Variants in CPS1 observed in about 807,000 individuals in gnomAD.
CPS1 encodes the protein carbamoyl-phosphate synthase 1, also known as carbamoyl-phosphate synthase [ammonia], mitochondrial.
Under a neutral mutation model 174.6 loss-of-function variants are expected in CPS1, and 109 were observed. The ratio of observed to expected loss-of-function variants is 0.62; its 90% confidence interval spans 0.53 to 0.73. The LOEUF is 0.73. Ranked by LOEUF, CPS1 falls within the 30% of genes least tolerant of loss-of-function variation. CPS1 has a pLI of 0.00. For missense variants in CPS1, 1,689 were observed against 1,821.9 expected (o/e 0.93, Z 1.33); for synonymous variants, 637 against 632.0 (o/e 1.01, Z -0.12).
chr2:210,512,736 TTA>T lies in CPS1; in HGVS notation c.3+35018_3+35019del, dbSNP rs71043996. ...GATACATACATATCCTCCAGTAGTT[TTA>T]TATATATATATATATATATATATAT... On this transcript the variant is annotated intron_variant, in intron 1 of 38. Coordinates refer to the CPS1 transcript ENST00000430249. Among the ~76,000 whole-genome samples, 241 of 46,616 alleles carry T rather than the reference TTA, an allele frequency of 5.2e-3. 2 individuals are homozygous for T. Among genetic ancestry groups the T allele is most frequent in the African/African-American group, 8.4e-3 (80 of 9,500 alleles). 30.6% of individuals were successfully genotyped at this position (46,616 alleles called of 152,430 possible).
rs200302038 is a variant in CPS1, at chr2:210,593,775, T to A, written c.1165-733T>A. ...AGATATTTATATTTTGTTCTTGTTTTAATATTATTAGGAAATATTGGTTCT... is the reference window on the plus strand; with the variant it reads ...AGATATTTATATTTTGTTCTTGTTTAAATATTATTAGGAAATATTGGTTCT... On this transcript the variant is annotated intron_variant, in intron 11 of 37. Transcript: ENST00000233072. The A allele has an allele frequency of 1.4e-4, 83 of 589,358 alleles. No individual in the cohort carries two copies. In the East Asian group the frequency reaches 0.011, roughly 81 times the overall value. The allele number at this position is 589,358 out of a possible 1,614,324, so 36.5% of individuals were successfully genotyped here. A position where few individuals can be genotyped will look rare whatever the true frequency, so the allele number is the denominator to read the frequency against.
rs550725056 is a variant in CPS1, at chr2:210,606,511, C to G, written c.1982-220C>G. On this transcript the variant is annotated intron_variant, in intron 17 of 37. Transcript: ENST00000233072. ...CGATTGAAGCCTTGATAGCTACTTACTAGATAGATGAACTTGGGAAAGGTT... is the reference window on the plus strand; with the variant it reads ...CGATTGAAGCCTTGATAGCTACTTAGTAGATAGATGAACTTGGGAAAGGTT... 9.9e-5 allele frequency among the ~76,000 whole-genome samples: 15 copies of G among 151,852 alleles called. 1 individual carries two copies. Among genetic ancestry groups the G allele is most frequent in the African/African-American group, 3.6e-4 (15 of 41,458 alleles).
At chr2:210,527,759 A>G (rs552995020) in intron 1 of CPS1, among the ~76,000 whole-genome samples, 1 of 152,024 alleles carries the variant, frequency 6.6e-6, no homozygotes, top group African/African-American at 2.4e-5. Context: ...TGAACATGAT[A>G]CTTCATTACC....
chr2:210,676,719 A>C (rs1411333369), intron 36 of CPS1, among the ~76,000 whole-genome samples: 1 of 152,166 alleles, frequency 6.6e-6, no homozygotes, highest in Non-Finnish European at 1.5e-5. Context: ...CTTTTTAAAA[A>C]ATAAGTATCT....
intron 1 of CPS1, among the ~76,000 whole-genome samples, chr2:210,550,816 A>T (rs1696710443): frequency 6.6e-6 from 1 of 151,770 alleles, no homozygotes; most frequent in Admixed American, 6.6e-5. Flanking sequence ...CAAGAATAAT[A>T]ATTATTATTT....
intron 1 of CPS1, among the ~76,000 whole-genome samples, chr2:210,570,216 A>G (rs1439867482): frequency 6.6e-6 from 1 of 151,844 alleles, no homozygotes; most frequent in Non-Finnish European, 1.5e-5. Context: ...GGGAAAGAGG[A>G]TTGGAAGATC....
intron 21 of CPS1, chr2:210,631,301 A>AT (rs1351581731): frequency 6.6e-6 from 1 of 152,160 alleles, no homozygotes; most frequent in African/African-American, 2.4e-5. Context: ...AAATTTCCTC[A>AT]TTAAGGGGAA....
At chr2:210,532,257 G>A (rs755313984) in intron 1 of CPS1, among the ~76,000 whole-genome samples, 9 of 152,100 alleles carry the variant, frequency 5.9e-5, no homozygotes, top group East Asian at 3.9e-4. Flanking sequence ...GGTCTGTATC[G>A]TTGCCAAATT....
In CPS1 at chr2:210,622,555, T is replaced by G. The variant is rs115092205; in HGVS notation, c.2687+6014T>G. ...TAGTCCTATCATGGTAGAATCAGCATATATAATGAAGGTTTCTACTATATT... is the reference window on the plus strand; with the variant it reads ...TAGTCCTATCATGGTAGAATCAGCAGATATAATGAAGGTTTCTACTATATT... On this transcript the variant is annotated intron_variant, in intron 21 of 37. Coordinates refer to ENST00000233072, the MANE Select transcript of CPS1 (RefSeq NM_001875.5). Among the ~76,000 whole-genome samples the G allele has an allele frequency of 8.2e-3, 1,240 of 151,876 alleles. 22 individuals are homozygous for G. Among genetic ancestry groups the G allele is most frequent in the African/African-American group, 0.027 (1,132 of 41,452 alleles).
At position 210,675,844 on chromosome 2, in the gene CPS1, A is replaced by G; in HGVS notation, c.4274+4A>G. 1.6e-6 allele frequency: 2 copies of G among 1,242,732 alleles called. No individual in the cohort carries two copies. The highest frequency in any genetic ancestry group is 1.2e-6 in the Non-Finnish European group (1 of 840,872). The allele number at this position is 1,242,732 out of a possible 1,614,324, so 77.0% of individuals were successfully genotyped here. A position where few individuals can be genotyped will look rare whatever the true frequency, so the allele number is the denominator to read the frequency against. ...CCAGCCTCTCTTCCATCAGAAAGTA[A>G]GAACTAGGCATACTGTTTTCTGAAA... On this transcript the variant is annotated splice_donor_region_variant and intron_variant, in intron 36 of 37. Transcript: ENST00000233072.
chr2:210,563,511 AT>A (rs1358475647), intron 1 of CPS1, among the ~76,000 whole-genome samples: 6 of 152,156 alleles, frequency 3.9e-5, no homozygotes, highest in Non-Finnish European at 5.9e-5. Context: ...AGCTCCACAT[AT>A]ACAAAAGCCT....
chr2:210,673,010 T>C (rs753302068), intron 34 of CPS1: 2 of 152,210 alleles, frequency 1.3e-5, no homozygotes, highest in African/African-American at 2.4e-5. Flanking sequence ...ATTATCAAAA[T>C]TGTGCAAGGA....
chr2:210,524,294 C>T (rs1198894481), intron 1 of CPS1, among the ~76,000 whole-genome samples: 1 of 151,834 alleles, frequency 6.6e-6, no homozygotes, highest in Non-Finnish European at 1.5e-5. Flanking sequence ...TTTCTTGAAC[C>T]TACATGATAT....
intron 13 of CPS1, 22 bp from the exon 14 acceptor site, chr2:210,599,350 T>A (rs1337963901): frequency 6.2e-7 from 1 of 1,608,602 alleles, no homozygotes; most frequent in South Asian, 1.1e-5. Context: ...ATTCATGTAC[T>A]GGATTCTTTT....
rs562331446 is a variant in CPS1, at chr2:210,546,024, A to C, written c.4-10695A>C. Among the ~76,000 whole-genome samples the C allele has an allele frequency of 2.0e-5, 3 of 151,920 alleles. No individual in the cohort carries two copies. The East Asian group carries it at 5.8e-4, about 29-fold the overall frequency. On this transcript the variant is annotated intron_variant, in intron 1 of 38. Coordinates refer to the CPS1 transcript ENST00000430249. ...GGGGTCTTGAGCTTCTTAGATTTTT[A>C]GTTCTTTTTGTTATTCTTTATTGTT...
Position 210,678,007 on chromosome 2 carries a change from A to G in CPS1, c.*22A>G. 1 of 1,555,230 alleles carries G rather than the reference A, an allele frequency of 6.4e-7. No individual in the cohort carries two copies. The highest frequency in any genetic ancestry group is 8.9e-7 in the Non-Finnish European group (1 of 1,126,302). ...ATAGAGATGCAGACACCCCAGCCCC[A>G]TTATTAAATCAACCTGAGCCACATG... On this transcript the variant is annotated 3_prime_UTR_variant, in exon 38 of 38. Transcript: ENST00000233072.
Position 210,605,231 on chromosome 2 carries a change from A to G in CPS1, c.1966A>G (p.Met656Val), listed in dbSNP as rs748952561. 9.9e-6 allele frequency: 16 copies of G among 1,611,890 alleles called. No individual in the cohort carries two copies. The highest frequency in any genetic ancestry group is 1.3e-5 in the African/African-American group (1 of 74,756). Residue 656 changes from methionine to valine, a missense_variant, in exon 17 of 38, where the codon ATG (methionine) becomes GTG (valine). Met to Val is a conservative substitution (Grantham distance 21). Coordinates refer to ENST00000233072, the MANE Select transcript of CPS1 (RefSeq NM_001875.5). ...TVCNMENVDAMGVHTGDSVVV... is the reference protein window; with the variant it reads ...TVCNMENVDAVGVHTGDSVVV... ...CTGTAACATGGAAAATGTTGATGCCATGGGTGTTCACACAGGTAGGCAAAG... is the reference window on the plus strand; with the variant it reads ...CTGTAACATGGAAAATGTTGATGCCGTGGGTGTTCACACAGGTAGGCAAAG...
chr2:210,642,780 G>A lies in CPS1; in HGVS notation c.3141+115G>A. 4 of 981,446 alleles carry A rather than the reference G, an allele frequency of 4.1e-6. No individual in the cohort carries two copies. In the South Asian group the frequency reaches 4.7e-5, roughly 11 times the overall value. 60.8% of individuals were successfully genotyped at this position (981,446 alleles called of 1,614,324 possible). A position where few individuals can be genotyped will look rare whatever the true frequency, so the allele number is the denominator to read the frequency against. On this transcript the variant is annotated intron_variant, in intron 25 of 37. Transcript: ENST00000233072. ...ATATAGTAATTCCTCTTAGAAGAAA[G>A]GGCTGCCAGTGGCATCCATTGTCTT...
At chr2:210,510,465 T>G (rs1695432010) in intron 1 of CPS1, among the ~76,000 whole-genome samples, 1 of 152,114 alleles carries the variant, frequency 6.6e-6, no homozygotes, top group African/African-American at 2.4e-5. Context: ...GACATAGGCA[T>G]GGGCAAGGGC....
Sources: allele counts gnomAD v4.1 joint callset (sites outside exome capture counted in the v4.1 genomes callset), GRCh38; gene constraint gnomAD v4.1.1; transcripts MANE v1.5; gene names NCBI Gene and HGNC (gene_info 2026-07-23, HGNC 2026-07-21).